The following TOR1AIP2 variants were observed in gnomAD, a reference collection of about 807,000 sequenced individuals.
The protein encoded by TOR1AIP2 is torsin 1A interacting protein 2.
In TOR1AIP2, 20 loss-of-function variants were observed where a neutral mutation model predicts 32.6. The ratio of observed to expected loss-of-function variants is 0.61; its 90% CI spans 0.43 to 0.89. The LOEUF (loss-of-function observed/expected upper bound fraction) is 0.89, where lower values mean the gene tolerates loss of function less well. Among genes scored for constraint, TOR1AIP2 ranks in the 40% least tolerant of loss-of-function variants. The pLI, the probability that TOR1AIP2 is intolerant of heterozygous loss-of-function variation, is 0.00. For missense variants in TOR1AIP2, 456 were observed against 553.8 expected (o/e 0.82, Z 1.77); for synonymous variants, 214 against 210.8 (o/e 1.02, Z -0.13).
At chr1:179,856,742 T>C (rs750432912) in intron 3 of TOR1AIP2, among the ~76,000 whole-genome samples, 3 of 152,206 alleles carry the variant, frequency 2.0e-5, no homozygotes, top group South Asian at 2.1e-4. Flanking sequence ...TCAGCCTTCA[T>C]AGCTGGGACT....
chr1:179,860,251 G>C (rs761678853), intron 3 of TOR1AIP2: 88 of 965,328 alleles, frequency 9.1e-5, no homozygotes, highest in Non-Finnish European at 1.1e-4. Context: ...GGGAGGCCCA[G>C]GTGAGAGGAT....
intron 2 of TOR1AIP2, among the ~76,000 whole-genome samples, chr1:179,872,385 C>A (rs1697043845): frequency 6.6e-6 from 1 of 152,344 alleles, no homozygotes; most frequent in South Asian, 2.1e-4. Flanking sequence ...ATTTCTATAA[C>A]TTGTGCTAGC....
At chr1:179,864,399 A>C in intron 3 of TOR1AIP2, 2 of 993,534 alleles carry the variant, frequency 2.0e-6, no homozygotes, top group Non-Finnish European at 2.4e-6. Context: ...GCTTTCCCAC[A>C]AAAGTTATCA....
At chr1:179,849,573 C>T (rs1696039813) in intron 5 of TOR1AIP2, among the ~76,000 whole-genome samples, 2 of 152,068 alleles carry the variant, frequency 1.3e-5, no homozygotes, top group South Asian at 4.1e-4. Flanking sequence ...GTGAACCTGC[C>T]TAACAGTGAA....
Position 179,846,180 on chromosome 1 carries a change from A to C in TOR1AIP2, c.1304T>G (p.Phe435Cys). Residue 435 changes from phenylalanine to cysteine, a missense_variant, in exon 7 of 7, where the codon TTC becomes TGC. By Grantham distance (205) the Phe-to-Cys change is radical. Transcript: ENST00000609928. ...KFTNSDTPTS[F>C]NHMDSDKLSG... ...CAATTTGTCTGAGTCCATGTGGTTG[A>C]AGGAGGTGGGAGTGTCAGAGTTGGT... is the stretch of plus-strand genomic sequence containing the variant. The C allele has an allele frequency of 6.2e-7, 1 of 1,614,190 alleles. No individual in the cohort carries two copies. Among genetic ancestry groups the C allele is most frequent in the African/African-American group, 1.3e-5 (1 of 75,046 alleles).
chr1:179,866,545 AC>A (rs1696783164), intron 2 of TOR1AIP2, among the ~76,000 whole-genome samples: 3 of 151,898 alleles, frequency 2.0e-5, no homozygotes, highest in African/African-American at 7.2e-5. Context: ...CCCAAGTATT[AC>A]AGGTATGTGC....
rs116760213 is a variant in TOR1AIP2, at chr1:179,861,182, C to T, written c.-147+4254G>A. ...CTCTTCCACACTATAAAAATAGAGA[C>T]GAGTGTAGCTCACACTATTTAAAAC... On this transcript the variant is annotated intron_variant, in intron 3 of 6. Coordinates refer to ENST00000609928, the MANE Select transcript of TOR1AIP2 (RefSeq NM_001199260.2). 6.9e-5 allele frequency: 68 copies of T among 985,416 alleles called. No homozygotes were observed. In the African/African-American group the frequency reaches 8.9e-4, roughly 13 times the overall value. The allele number at this position is 985,416 out of a possible 1,614,324, so 61.0% of individuals were successfully genotyped here. A position where few individuals can be genotyped will look rare whatever the true frequency, so the allele number is the denominator to read the frequency against.
Position 179,846,138 on chromosome 1 carries a change from C to T in TOR1AIP2, c.1346G>A (p.Arg449Gln), listed in dbSNP as rs1421783873. Residue 449 changes from arginine (R) to glutamine (Q), a missense_variant, in exon 7 of 7, where the codon CGA (arginine) becomes CAA (glutamine). By Grantham distance (43) the Arg-to-Gln change is conservative. Transcript: ENST00000609928. Reference sequence around the variant, plus strand: ...GACTGGCAGTACCAGGTGTGAAATTCGGCTCCACAGCCCACTCAATTTGTC... The same window carrying T: ...GACTGGCAGTACCAGGTGTGAAATTTGGCTCCACAGCCCACTCAATTTGTC... Reference protein sequence around the residue: ...DSDKLSGLWSRISHLVLPVQP... With the variant: ...DSDKLSGLWSQISHLVLPVQP... 1.5e-5 allele frequency: 24 copies of T among 1,614,076 alleles called. No individual in the cohort carries two copies. Among genetic ancestry groups the T allele is most frequent in the Non-Finnish European group, 2.0e-5 (24 of 1,180,050 alleles).
At chr1:179,859,336 GAA>G (rs1294827050) in intron 3 of TOR1AIP2, 1 of 909,578 alleles carries the variant, frequency 1.1e-6, no homozygotes, top group Non-Finnish European at 1.3e-6. Context: ...CTGAGATACA[GAA>G]AAGTTAAGAA....
chr1:179,865,405 G>T, intron 3 of TOR1AIP2, 31 bp downstream of exon 3: 1 of 546,718 alleles, frequency 1.8e-6, no homozygotes. Flanking sequence ...CTCAGGGACC[G>T]ATCCAGTTTA....
At chr1:179,859,598 T>A (rs1696436354) in intron 3 of TOR1AIP2, 1 of 985,322 alleles carries the variant, frequency 1.0e-6, no homozygotes, top group African/African-American at 1.7e-5. Context: ...TTCAGGAATT[T>A]GTTTATTTCA....
chr1:179,850,838 C>A lies in TOR1AIP2; in HGVS notation c.553+7G>T. 1 of 1,611,194 alleles carries A rather than the reference C, an allele frequency of 6.2e-7. No homozygotes were observed. The highest frequency in any genetic ancestry group is 1.1e-5 in the South Asian group (1 of 90,772). ...AAACAGGAGAGTAGTTCAGGGGGTT[C>A]TCTTACCTGGGGCCAGCAGTCGCCT... is the stretch of plus-strand genomic sequence containing the variant. On this transcript the variant is annotated splice_region_variant and intron_variant, in intron 5 of 6. Transcript: ENST00000609928.
intron 4 of TOR1AIP2, among the ~76,000 whole-genome samples, chr1:179,851,980 C>T (rs1339208809): frequency 6.6e-6 from 1 of 152,104 alleles, no homozygotes; most frequent in Non-Finnish European, 1.5e-5. Context: ...GACTTTGTTT[C>T]TTTAATAAAA....
At chr1:179,847,785 G>GC in intron 5 of TOR1AIP2, 149 bp from the exon 6 acceptor site, 1 of 608,520 alleles carries the variant, frequency 1.6e-6, no homozygotes, top group Non-Finnish European at 2.9e-6. Flanking sequence ...TGTAATCCCA[G>GC]CACTTTGGGA....
chr1:179,873,943 T>C (rs1419153567), intron 2 of TOR1AIP2: 1 of 152,212 alleles, frequency 6.6e-6, no homozygotes, highest in African/African-American at 2.4e-5. Context: ...CACCATAAGA[T>C]TTTTCAGGCT....
chr1:179,855,979 G>C (rs1489953669), intron 3 of TOR1AIP2, among the ~76,000 whole-genome samples: 1 of 151,948 alleles, frequency 6.6e-6, no homozygotes, highest in African/African-American at 2.4e-5. Context: ...AGGAGTTTAA[G>C]ACCAGCCTGG....
chr1:179,857,163 T>C lies in TOR1AIP2; in HGVS notation c.-146-4352A>G, dbSNP rs541750246. 3.9e-5 allele frequency among the ~76,000 whole-genome samples: 6 copies of C among 152,384 alleles called. No individual in the cohort carries two copies. The South Asian group carries it at 1.0e-3, about 26-fold the overall frequency. Reference sequence around the variant, plus strand: ...ATATGGCAACAAAAGACATTCACTCTGAGTGAATCCCTTGCAAGTTCAATT... The same window carrying C: ...ATATGGCAACAAAAGACATTCACTCCGAGTGAATCCCTTGCAAGTTCAATT... On this transcript the variant is annotated intron_variant, in intron 3 of 6. Transcript: ENST00000609928.
Position 179,851,167 on chromosome 1 carries a change from A to G in TOR1AIP2, c.231T>C (p.Asn77=), listed in dbSNP as rs746341717. ...TTTTATCCTTTGGATGTTTCCCCAC[A>G]TTTGCTTCATCTGGACTTTCTGATT... is the stretch of plus-strand genomic sequence containing the variant. ...GDKSESPDEA[N]VGKHPKDKTE... The change falls in exon 5 of 7, where the codon AAT becomes AAC. Residue 77 remains asparagine, a synonymous_variant. Coordinates refer to ENST00000609928, the MANE Select transcript of TOR1AIP2 (RefSeq NM_001199260.2). The G allele has an allele frequency of 6.2e-7, 1 of 1,612,618 alleles. No homozygotes were observed. The highest frequency in any genetic ancestry group is 1.1e-5 in the South Asian group (1 of 91,022).
chr1:179,850,758 C>A (rs148164200), intron 5 of TOR1AIP2, 87 bp downstream of exon 5: 2 of 1,487,950 alleles, frequency 1.3e-6, no homozygotes, highest in African/African-American at 1.4e-5. Context: ...GACAAAAGTT[C>A]TCTGGAAAGA....
Sources: allele counts gnomAD v4.1 joint callset (sites outside exome capture counted in the v4.1 genomes callset), GRCh38; gene constraint gnomAD v4.1.1; transcripts MANE v1.5; gene names NCBI Gene and HGNC (gene_info 2026-07-23, HGNC 2026-07-21).